The following ADD1 variants were observed in gnomAD, a reference collection of about 807,000 sequenced individuals.
ADD1 encodes adducin 1.
In ADD1, 24 loss-of-function variants were observed where a neutral mutation model predicts 80.5. That is an observed-to-expected ratio of 0.30 (90% CI 0.22 to 0.42). The LOEUF (loss-of-function observed/expected upper bound fraction) is 0.42, where lower values mean the gene tolerates loss of function less well. Among genes scored for constraint, ADD1 ranks in the 10% least tolerant of loss-of-function variants. The probability of loss-of-function intolerance (pLI) is 1.00; values close to 1 mark genes in which losing one functional copy is unlikely to be tolerated. For missense variants in ADD1, 948 were observed against 1,019.0 expected, an observed-to-expected ratio of 0.93 and a Z score of 0.95; for synonymous variants, 373 against 393.8, an observed-to-expected ratio of 0.95 and a Z score of 0.63.
intron 14 of ADD1, among the ~76,000 whole-genome samples, chr4:2,916,886 T>C (rs1175293947): frequency 1.3e-5 from 2 of 152,244 alleles, no homozygotes; most frequent in Non-Finnish European, 2.9e-5. Flanking sequence ...TATGATTGCA[T>C]AGTATTCCAT....
intron 12 of ADD1, 76 bp downstream of exon 12, chr4:2,908,680 G>C (rs574936418): frequency 8.0e-7 from 1 of 1,251,490 alleles, no homozygotes; most frequent in Admixed American, 1.8e-5. Context: ...TTCTGAAATT[G>C]AGAGAGTGAC....
chr4:2,847,361 C>T lies in ADD1; in HGVS notation c.-21+3337C>T, dbSNP rs1726395652. ...GCTTGAACCCAGGAGGCGGAGGTCG[C>T]AGTGCCATTGCACTCCATTCTGGGC... On this transcript the variant is annotated intron_variant, in intron 1 of 15. Transcript: ENST00000683351. Among the ~76,000 whole-genome samples, 4 of 151,196 alleles carry T rather than the reference C, an allele frequency of 2.6e-5. 1 individual carries two copies. In the South Asian group the frequency reaches 8.3e-4, roughly 31 times the overall value.
chr4:2,903,435 C>G (rs1011079817), intron 9 of ADD1, among the ~76,000 whole-genome samples: 3 of 152,164 alleles, frequency 2.0e-5, no homozygotes, highest in African/African-American at 7.2e-5. Flanking sequence ...CGAACTCAAC[C>G]TAGGGTCTCA....
chr4:2,860,438 A>G (rs1029870737), intron 1 of ADD1, among the ~76,000 whole-genome samples: 4 of 152,316 alleles, frequency 2.6e-5, no homozygotes, highest in African/African-American at 9.6e-5. Context: ...TTGTTGCTGT[A>G]CTCCAAGGGT....
intron 13 of ADD1, among the ~76,000 whole-genome samples, chr4:2,914,053 C>T (rs1023025925): frequency 1.7e-4 from 22 of 132,584 alleles, no homozygotes; most frequent in Non-Finnish European, 2.6e-4. Flanking sequence ...TGCGAGACTC[C>T]GTCTCAAAAA....
chr4:2,872,648 C>G (rs1427289346), intron 1 of ADD1, among the ~76,000 whole-genome samples: 3 of 152,220 alleles, frequency 2.0e-5, no homozygotes, highest in Non-Finnish European at 4.4e-5. Flanking sequence ...GCCTTGACCT[C>G]CCAGGTCGAG....
intron 4 of ADD1, among the ~76,000 whole-genome samples, chr4:2,888,094 CTG>C (rs1047512454): frequency 6.6e-6 from 1 of 152,092 alleles, no homozygotes; most frequent in African/African-American, 2.4e-5. Context: ...GGGTCTCACT[CTG>C]TTACCCAGGC....
rs1311002471 is a variant in ADD1, at chr4:2,928,838, C to T, written c.*315C>T. ...CTTCTGCAGCTTTGGCTGCACGTCA[C>T]CCTCCTGAGCCTCACCTTTCCTGCC... is the stretch of plus-strand genomic sequence containing the variant. On this transcript the variant is annotated 3_prime_UTR_variant, in exon 16 of 16. Transcript: ENST00000683351. 1 of 314,044 alleles carries T rather than the reference C, an allele frequency of 3.2e-6. No homozygotes were observed. The highest frequency in any genetic ancestry group is 7.0e-5 in the East Asian group (1 of 14,300). 19.5% of individuals were successfully genotyped at this position (314,044 alleles called of 1,614,324 possible).
At chr4:2,885,807 T>TAGTAGA (rs1733209335) in intron 4 of ADD1, among the ~76,000 whole-genome samples, 1 of 151,992 alleles carries the variant, frequency 6.6e-6, no homozygotes, top group Non-Finnish European at 1.5e-5. Context: ...AGACGGGGTT[T>TAGTAGA]CACCGTGTTA....
intron 4 of ADD1, among the ~76,000 whole-genome samples, chr4:2,885,825 T>C (rs1054105518): frequency 7.9e-5 from 12 of 152,230 alleles, no homozygotes; most frequent in Middle Eastern, 3.4e-3. Context: ...TTAGCCAGGA[T>C]GGTCTCGATC....
At chr4:2,875,581 G>A (rs761476686) in intron 1 of ADD1, among the ~76,000 whole-genome samples, 5 of 152,208 alleles carry the variant, frequency 3.3e-5, no homozygotes, top group African/African-American at 4.8e-5. Context: ...AGAATCACGT[G>A]GTCAAAAGTT....
chr4:2,925,269 C>A (rs1740775865), intron 14 of ADD1, among the ~76,000 whole-genome samples: 3 of 152,218 alleles, frequency 2.0e-5, no homozygotes, highest in Admixed American at 1.3e-4. Context: ...GGGAGGCGAG[C>A]CAGCTGTTAG....
intron 4 of ADD1, among the ~76,000 whole-genome samples, chr4:2,888,591 T>C (rs1577578289): frequency 1.3e-5 from 2 of 151,306 alleles, no homozygotes; most frequent in East Asian, 3.9e-4. Context: ...AATTTTTTTG[T>C]ATTTTTACTA....
chr4:2,881,250 T>C (rs548904303), intron 2 of ADD1, among the ~76,000 whole-genome samples: 2 of 152,026 alleles, frequency 1.3e-5, no homozygotes, highest in South Asian at 2.1e-4. Context: ...GCTAATTTTT[T>C]ACATTTTTAG....
chr4:2,862,546 C>G (rs1342919303), intron 1 of ADD1, among the ~76,000 whole-genome samples: 1 of 152,234 alleles, frequency 6.6e-6, no homozygotes, highest in Non-Finnish European at 1.5e-5. Context: ...CTAGCTTTCT[C>G]TCTGCCTGGA....
intron 14 of ADD1, among the ~76,000 whole-genome samples, chr4:2,916,258 C>T (rs549813671): frequency 1.8e-3 from 269 of 151,488 alleles, no homozygotes; most frequent in African/African-American, 5.3e-3. Context: ...TGCAGTGGCA[C>T]GATCTCAGCT....
intron 1 of ADD1, among the ~76,000 whole-genome samples, chr4:2,852,671 GT>G (rs760349836): frequency 2.1e-5 from 1 of 47,524 alleles, no homozygotes; most frequent in African/African-American, 9.8e-5. Context: ...GGTGTTTTCT[GT>G]ACTGTTTGTA....
intron 1 of ADD1, among the ~76,000 whole-genome samples, chr4:2,852,791 C>A (rs1195354962): frequency 1.3e-5 from 2 of 149,392 alleles, no homozygotes; most frequent in African/African-American, 4.9e-5. Flanking sequence ...GCCTTGACCT[C>A]GTGGGCCCGA....
chr4:2,914,647 C>G (rs1256244027), intron 13 of ADD1: 1 of 433,372 alleles, frequency 2.3e-6, no homozygotes. Context: ...ACCTGGAAGG[C>G]TCTGTAGGAT....
Sources: gnomAD v4.1 joint callset for allele counts (sites outside exome capture counted in the v4.1 genomes callset) on GRCh38, gnomAD v4.1.1 for gene constraint, MANE v1.5 for transcripts, NCBI Gene and HGNC (gene_info 2026-07-23, HGNC 2026-07-21) for gene names.